ANKH: variants seen among roughly 807,000 people sequenced by gnomAD.
ANKH encodes the protein mineralization regulator ANKH.
Under a neutral mutation model 49.0 loss-of-function variants are expected in ANKH, and 15 were observed. That is an observed-to-expected ratio of 0.31 (90% CI 0.20 to 0.47). ANKH has a LOEUF of 0.47. Ranked by LOEUF, ANKH falls within the 20% of genes least tolerant of loss-of-function variation. ANKH has a pLI of 1.00. For missense variants in ANKH, 429 were observed against 652.0 expected (o/e 0.66, Z 3.72); for synonymous variants, 273 against 260.0 (o/e 1.05, Z -0.48).
intron 8 of ANKH, among the ~76,000 whole-genome samples, chr5:14,735,609 C>T (rs541427365): frequency 1.3e-3 from 195 of 152,314 alleles, no homozygotes; most frequent in Middle Eastern, 6.8e-3. Flanking sequence ...AGCAGAGGCA[C>T]ATGCCCTCTG....
intron 7 of ANKH, among the ~76,000 whole-genome samples, chr5:14,743,083 G>C (rs1738415623): frequency 6.6e-6 from 1 of 152,204 alleles, no homozygotes; most frequent in African/African-American, 2.4e-5. Flanking sequence ...GGGAGGCTAA[G>C]GTCATTTCTC....
chr5:14,815,855 A>G (rs1741020603), intron 1 of ANKH, among the ~76,000 whole-genome samples: 1 of 152,220 alleles, frequency 6.6e-6, no homozygotes, highest in Admixed American at 6.5e-5. Flanking sequence ...TTTGCATGGC[A>G]GAGTCTAGTG....
intron 2 of ANKH, among the ~76,000 whole-genome samples, chr5:14,766,676 A>G (rs1739268389): frequency 6.6e-6 from 1 of 152,228 alleles, no homozygotes; most frequent in East Asian, 1.9e-4. Flanking sequence ...GAATAGAAAG[A>G]AATTAGTTTA....
chr5:14,812,849 T>A (rs961487973), intron 1 of ANKH, among the ~76,000 whole-genome samples: 1 of 152,266 alleles, frequency 6.6e-6, no homozygotes, highest in Non-Finnish European at 1.5e-5. Context: ...ACTGACTGTC[T>A]ATCTAGAAAC....
chr5:14,769,251 A>T, intron 1 of ANKH, 60 bp from the exon 2 acceptor site: 1 of 1,388,140 alleles, frequency 7.2e-7, no homozygotes, highest in South Asian at 1.2e-5. Flanking sequence ...CTGGGGAATC[A>T]TACCTCTAAG....
At chr5:14,840,695 A>C (rs1025647886) in intron 1 of ANKH, among the ~76,000 whole-genome samples, 5 of 152,220 alleles carry the variant, frequency 3.3e-5, no homozygotes, top group Admixed American at 3.3e-4. Context: ...ACACATTTTC[A>C]AATTATCTGC....
At chr5:14,836,128 A>G (rs1426790565) in intron 1 of ANKH, among the ~76,000 whole-genome samples, 1 of 152,212 alleles carries the variant, frequency 6.6e-6, no homozygotes, top group East Asian at 1.9e-4. Context: ...CAAAATAATA[A>G]GAGCTATTTA....
chr5:14,828,587 CTTCT>C (rs1417776802), intron 1 of ANKH, among the ~76,000 whole-genome samples: 2 of 151,800 alleles, frequency 1.3e-5, no homozygotes, highest in African/African-American at 4.8e-5. Context: ...TTTCTTTCTT[CTTCT>C]TTTTTTTAAT....
chr5:14,744,851 G>A (rs1739728569), intron 7 of ANKH, among the ~76,000 whole-genome samples: 1 of 152,216 alleles, frequency 6.6e-6, no homozygotes, highest in Non-Finnish European at 1.5e-5. Flanking sequence ...AAGGAGAGAG[G>A]CCTGCAGCCT....
intron 1 of ANKH, chr5:14,798,135 T>A (rs1740450038): frequency 2.6e-6 from 4 of 1,552,488 alleles, no homozygotes; most frequent in Non-Finnish European, 2.7e-6. Flanking sequence ...CTGAGCATCA[T>A]CATCAGGCAG....
rs572764671 is a variant in ANKH at position 14,766,684 on chromosome 5, T to A, written c.313+2291A>T. ...GACAAAAGAATAGAAAGAAATTAGT[T>A]TAAACCTAGATGTATCTGATTTATA... On this transcript the variant is annotated intron_variant, in intron 2 of 11. Transcript: ENST00000284268. Among the ~76,000 whole-genome samples, 14 of 152,340 alleles carry A rather than the reference T, an allele frequency of 9.2e-5. No homozygotes were observed. In the East Asian group the frequency reaches 2.5e-3, roughly 27 times the overall value.
In ANKH at chr5:14,803,762, C is replaced by T. The variant is rs537028323; in HGVS notation, c.97-34571G>A. ...GCTCTTTCCTGAGCTCCTCACATGACATCTCTCATTCTACATGTCTAAAAC... is the reference window on the plus strand; with the variant it reads ...GCTCTTTCCTGAGCTCCTCACATGATATCTCTCATTCTACATGTCTAAAAC... On this transcript the variant is annotated intron_variant, in intron 1 of 11. Coordinates refer to ENST00000284268, the MANE Select transcript of ANKH (RefSeq NM_054027.6). Among the ~76,000 whole-genome samples, 12 of 152,310 alleles carry T rather than the reference C, an allele frequency of 7.9e-5. No individual in the cohort carries two copies. In the East Asian group the frequency reaches 2.1e-3, roughly 27 times the overall value.
At chr5:14,772,797 G>A (rs1014058363) in intron 1 of ANKH, among the ~76,000 whole-genome samples, 3 of 152,256 alleles carry the variant, frequency 2.0e-5, no homozygotes, top group East Asian at 1.9e-4. Flanking sequence ...ATCCCCGGAT[G>A]TTGGGAATTG....
chr5:14,710,907 G>A lies in ANKH; in HGVS notation c.*290C>T, dbSNP rs888143016. ...ATTGTCCAGGGGAGGAGGACACAAC[G>A]TCAACCGTGAGGCAGCTGTGTCTTT... On this transcript the variant is annotated 3_prime_UTR_variant, in exon 12 of 12. Transcript: ENST00000284268. 2.9e-5 allele frequency: 12 copies of A among 409,812 alleles called. No homozygotes were observed. Among genetic ancestry groups the A allele is most frequent in the East Asian group, 5.8e-5 (1 of 17,360 alleles). 25.4% of individuals were successfully genotyped at this position (409,812 alleles called of 1,614,324 possible). A position where few individuals can be genotyped will look rare whatever the true frequency, so the allele number is the denominator to read the frequency against.
At chr5:14,845,701 T>C (rs1194744271) in intron 1 of ANKH, among the ~76,000 whole-genome samples, 11 of 152,124 alleles carry the variant, frequency 7.2e-5, no homozygotes. Flanking sequence ...TTGGGCTCTG[T>C]GGGGTGCCTT....
intron 1 of ANKH, among the ~76,000 whole-genome samples, chr5:14,845,209 G>A (rs1741922179): frequency 1.3e-5 from 2 of 152,094 alleles, no homozygotes; most frequent in South Asian, 4.2e-4. Flanking sequence ...TTTATTTAAC[G>A]AGTATATATG....
At chr5:14,810,396 T>C (rs1438838054) in intron 1 of ANKH, among the ~76,000 whole-genome samples, 2 of 152,060 alleles carry the variant, frequency 1.3e-5, no homozygotes, top group Non-Finnish European at 2.9e-5. Flanking sequence ...TAACCTCAGG[T>C]GATCCGCCTG....
rs1277598446 is a variant in ANKH at position 14,770,224 on chromosome 5, C to T, written c.97-1033G>A. Among the ~76,000 whole-genome samples, 1 of 152,000 alleles carries T rather than the reference C, an allele frequency of 6.6e-6. No homozygotes were observed. ...CAGAGCATTCCCATATATCCTTTGC[C>T]CCCCACAAACACGGAGCCTCCCCTG... On this transcript the variant is annotated intron_variant, in intron 1 of 11. Transcript: ENST00000284268. This position sits in a 1 kb window ranked among gnomAD's most constrained non-coding sequence, Gnocchi z 4.1.
Position 14,713,607 on chromosome 5 carries a change from GC to G in ANKH, c.1201del (p.Ala401ProfsTer72). 1 of 1,614,196 alleles carries G rather than the reference GC, an allele frequency of 6.2e-7. No individual in the cohort carries two copies. The highest frequency in any genetic ancestry group is 8.5e-7 in the Non-Finnish European group (1 of 1,180,032). On this transcript the variant is annotated frameshift_variant, in exon 10 of 12. Transcript: ENST00000284268. LOFTEE classifies it high-confidence loss of function. This position sits in a 1 kb window ranked among gnomAD's most constrained non-coding sequence, Gnocchi z 4.4. ...GATGATCCGCAGCACAGAGCTGGGGGCAAGGACGAAGGTTTTCTTCAGTGTC... is the reference window on the plus strand; with the variant it reads ...GATGATCCGCAGCACAGAGCTGGGGGAAGGACGAAGGTTTTCTTCAGTGTC... ...LMTLKKTFVL[A>X]PSSVLRIIVL...
Sources: allele counts gnomAD v4.1 joint callset (sites outside exome capture counted in the v4.1 genomes callset), GRCh38; gene constraint gnomAD v4.1.1; non-coding constraint Gnocchi (gnomAD v3.1); transcripts MANE v1.5; gene names NCBI Gene and HGNC (gene_info 2026-07-23, HGNC 2026-07-21).